The following SULT1E1 variants were observed in gnomAD, a reference collection of about 807,000 sequenced individuals.
SULT1E1 encodes the protein sulfotransferase 1E1.
SULT1E1 carries 36 observed loss-of-function variants against 33.6 expected under a neutral mutation model. The ratio of observed to expected loss-of-function variants is 1.07; its 90% confidence interval spans 0.82 to 1.41. The LOEUF (loss-of-function observed/expected upper bound fraction) is 1.41, where lower values mean the gene tolerates loss of function less well. Among genes scored for constraint, SULT1E1 ranks in the 40% most tolerant of loss-of-function variants. The pLI is 0.00. For missense variants in SULT1E1, 371 were observed against 345.7 expected (o/e 1.07, Z -0.58); for synonymous variants, 121 against 111.7 (o/e 1.08, Z -0.53).
chr4:69,849,416 G>A, intron 5 of SULT1E1, 21 bp downstream of exon 5: 1 of 1,605,434 alleles, frequency 6.2e-7, no homozygotes, highest in Non-Finnish European at 8.5e-7. Context: ...AAAAAATTCA[G>A]TGTAAAGAAG....
chr4:69,856,875 G>T (rs1357587080), intron 2 of SULT1E1, among the ~76,000 whole-genome samples: 3 of 137,058 alleles, frequency 2.2e-5, no homozygotes, highest in African/African-American at 8.0e-5. Flanking sequence ...GGCGGAGTTT[G>T]CAGTGAGCAG....
the SULT1E1 span, among the ~76,000 whole-genome samples, chr4:69,822,801 C>T: frequency 1.0e-3 from 156 of 152,008 alleles, no homozygotes; most frequent in African/African-American, 3.7e-3. Flanking sequence ...CCCCCTCGAC[C>T]GTTGTATTTG....
Position 69,841,971 on chromosome 4 carries a change from A to G in SULT1E1, c.*23T>C. The G allele has an allele frequency of 8.0e-7, 1 of 1,251,584 alleles. No homozygotes were observed. Among genetic ancestry groups the G allele is most frequent in the South Asian group, 1.3e-5 (1 of 76,670 alleles). The allele number at this position is 1,251,584 out of a possible 1,614,324, so 77.5% of individuals were successfully genotyped here. ...TGAAAAGAAATCTTTAATATCAGAT[A>G]TGTTAAGTAAAGAAAGACCTTCTTA... On this transcript the variant is annotated 3_prime_UTR_variant, in exon 8 of 8. Coordinates refer to ENST00000226444, the MANE Select transcript of SULT1E1 (RefSeq NM_005420.3).
At chr4:69,834,194 T>A in the SULT1E1 span, among the ~76,000 whole-genome samples, 1 of 152,190 alleles carries the variant, frequency 6.6e-6, no homozygotes, top group Non-Finnish European at 1.5e-5. Flanking sequence ...ACTTCTACAT[T>A]TAAGTCTCCT....
At chr4:69,857,768 TA>T in intron 1 of SULT1E1, 115 bp from the exon 2 acceptor site, 3 of 891,168 alleles carry the variant, frequency 3.4e-6, no homozygotes, top group Non-Finnish European at 4.8e-6. Context: ...TTGTTGCACA[TA>T]TGGGGCAAAA....
At chr4:69,831,146 A>G in the SULT1E1 span, among the ~76,000 whole-genome samples, 2 of 152,212 alleles carry the variant, frequency 1.3e-5, no homozygotes, top group Non-Finnish European at 2.9e-5. Context: ...CAGATGAACC[A>G]GCAGCAAAAG....
rs1342555531 is a variant in SULT1E1, at chr4:69,841,300, C to T, written c.*694G>A. 1 of 151,378 alleles carries T rather than the reference C, an allele frequency of 6.6e-6. No homozygotes were observed. Among genetic ancestry groups the T allele is most frequent in the Non-Finnish European group, 1.5e-5 (1 of 67,930 alleles). The allele number at this position is 151,378 out of a possible 1,614,324, so 9.4% of individuals were successfully genotyped here. On this transcript the variant is annotated 3_prime_UTR_variant, in exon 8 of 8. Coordinates refer to ENST00000226444, the MANE Select transcript of SULT1E1 (RefSeq NM_005420.3). ...ATCATTCCCATAGGTTATAGTTGTG[C>T]ATGATATTTATAAAAAATAGAAAAG... is the stretch of plus-strand genomic sequence containing the variant.
the SULT1E1 span, among the ~76,000 whole-genome samples, chr4:69,832,282 G>A: frequency 6.6e-6 from 1 of 152,176 alleles, no homozygotes; most frequent in Admixed American, 6.5e-5. Flanking sequence ...GCATGCTTGG[G>A]GTAACTGATC....
At chr4:69,850,008 T>C (rs1721070040) in intron 4 of SULT1E1, among the ~76,000 whole-genome samples, 1 of 151,800 alleles carries the variant, frequency 6.6e-6, no homozygotes, top group Admixed American at 6.6e-5. Flanking sequence ...TACTACACCA[T>C]CACTCCACAT....
the SULT1E1 span, among the ~76,000 whole-genome samples, chr4:69,831,831 G>A: frequency 1.3e-5 from 2 of 152,092 alleles, no homozygotes; most frequent in Admixed American, 6.5e-5. Flanking sequence ...GCCCAGGTCG[G>A]TCCCACACCG....
the SULT1E1 span, among the ~76,000 whole-genome samples, chr4:69,824,742 A>T: frequency 6.6e-6 from 1 of 152,072 alleles, no homozygotes; most frequent in Non-Finnish European, 1.5e-5. Flanking sequence ...ACTAATCAGC[A>T]CTCTGTAAAA....
chr4:69,836,411 T>G (rs1034178604), downstream of SULT1E1, among the ~76,000 whole-genome samples: 1 of 152,226 alleles, frequency 6.6e-6, no homozygotes, highest in African/African-American at 2.4e-5. Context: ...AAATACACCT[T>G]GTCCTTTTGT....
At chr4:69,846,912 T>C (rs1164591738) in intron 6 of SULT1E1, among the ~76,000 whole-genome samples, 1 of 151,800 alleles carries the variant, frequency 6.6e-6, no homozygotes, top group African/African-American at 2.4e-5. Flanking sequence ...AAAAAATTTG[T>C]GTATTGATAT....
intron 2 of SULT1E1, among the ~76,000 whole-genome samples, chr4:69,856,935 CAAAAA>C (rs11464421): frequency 2.4e-4 from 14 of 59,240 alleles, no homozygotes; most frequent in Admixed American, 2.1e-3. Context: ...GACTCCGTCT[CAAAAA>C]AAAAAAAAAA....
the SULT1E1 span, among the ~76,000 whole-genome samples, chr4:69,835,941 G>C: frequency 6.6e-6 from 1 of 152,110 alleles, no homozygotes; most frequent in African/African-American, 2.4e-5. Context: ...ACAGTTCCTG[G>C]CCTAGGCTTC....
At chr4:69,854,145 G>A (rs983472367) in intron 4 of SULT1E1, 72 bp downstream of exon 4, 9 of 1,049,952 alleles carry the variant, frequency 8.6e-6, no homozygotes, top group Non-Finnish European at 1.0e-5. Flanking sequence ...AAACAAGTGT[G>A]TATAACTGAT....
intron 3 of SULT1E1, among the ~76,000 whole-genome samples, chr4:69,854,756 C>T (rs368180755): frequency 6.6e-6 from 1 of 151,924 alleles, no homozygotes; most frequent in African/African-American, 2.4e-5. Flanking sequence ...TACAGCCATC[C>T]CAATACCATG....
chr4:69,849,518 A>G lies in SULT1E1; in HGVS notation c.415T>C (p.Tyr139His). ...RNAKDVAVSF[Y>H]YFFLMVAGHP... is the part of the protein sequence containing the mutation. The stretch of plus-strand genomic sequence containing the variant: ...CCAGCCACCATTAGAAAGAAATAAT[A>G]AAAGGAAACAGCCACATCCTTTGCA... Residue 139 changes from tyrosine (Y) to histidine (H), a missense_variant, in exon 5 of 8, where the codon TAT becomes CAT. Transcript: ENST00000226444. The G allele has an allele frequency of 6.2e-7, 1 of 1,611,382 alleles. No individual in the cohort carries two copies. Among genetic ancestry groups the G allele is most frequent in the Non-Finnish European group, 8.5e-7 (1 of 1,178,178 alleles).
In SULT1E1 at chr4:69,841,861, AAAC is replaced by A; in HGVS notation, c.*130_*132del. 1 of 537,224 alleles carries A rather than the reference AAAC, an allele frequency of 1.9e-6. No homozygotes were observed. Among genetic ancestry groups the A allele is most frequent in the Non-Finnish European group, 3.1e-6 (1 of 320,908 alleles). The allele number at this position is 537,224 out of a possible 1,614,324, so 33.3% of individuals were successfully genotyped here. A position where few individuals can be genotyped will look rare whatever the true frequency, so the allele number is the denominator to read the frequency against. On this transcript the variant is annotated 3_prime_UTR_variant, in exon 8 of 8. Coordinates refer to ENST00000226444, the MANE Select transcript of SULT1E1 (RefSeq NM_005420.3). ...GTCTCAAAAAAAAAAAAAAAAAGTT[AAAC>A]AAAAATTTAAAAAGAAAATGTCAAC...
Sources: allele counts gnomAD v4.1 joint callset (sites outside exome capture counted in the v4.1 genomes callset), GRCh38; gene constraint gnomAD v4.1.1; transcripts MANE v1.5; gene names NCBI Gene and HGNC (gene_info 2026-07-23, HGNC 2026-07-21).